DPP6: variants seen among roughly 807,000 people sequenced by gnomAD.
DPP6 encodes dipeptidyl peptidase like 6.
DPP6 carries 69 observed loss-of-function variants against 122.6 expected under a neutral mutation model. That is an observed-to-expected ratio of 0.56 (90% confidence interval 0.46 to 0.69). The LOEUF is 0.69. Ranked by LOEUF, DPP6 falls within the 30% of genes least tolerant of loss-of-function variation. The pLI is 0.00. For missense variants in DPP6, 928 were observed against 1,116.9 expected (o/e 0.83, Z 2.41); for synonymous variants, 418 against 433.1 (o/e 0.97, Z 0.43).
intron 1 of DPP6, among the ~76,000 whole-genome samples, chr7:154,007,935 C>G (rs1369283355): frequency 1.3e-5 from 2 of 152,152 alleles, no homozygotes; most frequent in African/African-American, 4.8e-5. Context: ...TTCCGTTGGC[C>G]TGAACTGAGG....
intron 1 of DPP6, among the ~76,000 whole-genome samples, chr7:154,262,405 C>T (rs1158386160): frequency 6.6e-6 from 1 of 151,966 alleles, no homozygotes; most frequent in Non-Finnish European, 1.5e-5. Flanking sequence ...ACATTTGGAC[C>T]CACAGTGAGA....
chr7:154,660,031 T>C (rs1260408110), intron 6 of DPP6, among the ~76,000 whole-genome samples: 1 of 152,236 alleles, frequency 6.6e-6, no homozygotes, highest in African/African-American at 2.4e-5. Context: ...AAACTTTTGA[T>C]TCCTGGTGTG....
rs969861566 is a variant in DPP6, at chr7:153,899,010, C to T, written c.51+11276C>T. 3.3e-5 allele frequency among the ~76,000 whole-genome samples: 5 copies of T among 152,290 alleles called. No individual in the cohort carries two copies. In the South Asian group the frequency reaches 1.0e-3, roughly 32 times the overall value. On this transcript the variant is annotated intron_variant, in intron 1 of 25. Transcript: ENST00000404039. ...GGGAAAGGCGAGAGACAAAGGCATT[C>T]GGCTTCCATTAGTGTTTGGAATTAC... is the stretch of plus-strand genomic sequence containing the variant.
intron 6 of DPP6, among the ~76,000 whole-genome samples, chr7:154,640,288 G>T (rs1206532888): frequency 6.6e-6 from 1 of 151,978 alleles, no homozygotes; most frequent in African/African-American, 2.4e-5. Context: ...TTAATTCAAA[G>T]GTCACAATGC....
chr7:153,999,457 G>A (rs1250191310), intron 1 of DPP6, among the ~76,000 whole-genome samples: 1 of 152,104 alleles, frequency 6.6e-6, no homozygotes, highest in African/African-American at 2.4e-5. Context: ...TTGACCTTAT[G>A]GGCACTGAGT....
At position 154,294,288 on chromosome 7, in the gene DPP6, G is replaced by C. The variant is rs548609133; in HGVS notation, c.244-151926G>C. On this transcript the variant is annotated intron_variant, in intron 1 of 25. Coordinates refer to ENST00000377770, the MANE Select transcript of DPP6 (RefSeq NM_130797.4). ...TAAAGGATGATTAGGAGCTCATCAG[G>C]TGGAAGGAGTTGGGAGTGGGGCTGG... is the stretch of plus-strand genomic sequence containing the variant. 5.9e-5 allele frequency among the ~76,000 whole-genome samples: 9 copies of C among 152,288 alleles called. No homozygotes were observed. In the South Asian group the frequency reaches 1.9e-3, roughly 32 times the overall value.
At chr7:154,852,492 CCTCTCCTG>C (rs1802486517) in intron 16 of DPP6, among the ~76,000 whole-genome samples, 1 of 149,156 alleles carries the variant, frequency 6.7e-6, no homozygotes, top group Non-Finnish European at 1.5e-5. Flanking sequence ...GCCTCTCCTG[CCTCTCCTG>C]CCTCTCCTCC....
chr7:154,706,241 G>A (rs946358496), intron 7 of DPP6, among the ~76,000 whole-genome samples: 2 of 152,052 alleles, frequency 1.3e-5, no homozygotes, highest in Admixed American at 6.5e-5. Flanking sequence ...TCCCTTCCTC[G>A]GAGGATTGTC....
intron 10 of DPP6, 62 bp from the exon 11 acceptor site, chr7:154,794,017 C>T: frequency 6.4e-7 from 1 of 1,572,776 alleles, no homozygotes; most frequent in East Asian, 2.3e-5. Context: ...GGTCGGCGGT[C>T]CCCTGGCTTC....
chr7:154,059,619 G>C (rs1266528576), intron 1 of DPP6: 1 of 149,170 alleles, frequency 6.7e-6, no homozygotes, highest in Admixed American at 6.6e-5. Flanking sequence ...GGTCACAAAG[G>C]GGGCGGGGAC....
intron 6 of DPP6, among the ~76,000 whole-genome samples, chr7:154,660,599 G>A: frequency 7.4e-6 from 1 of 135,850 alleles, no homozygotes; most frequent in East Asian, 2.3e-4. Context: ...TATAGTCATG[G>A]TGAATCACCA....
intron 1 of DPP6, among the ~76,000 whole-genome samples, chr7:154,075,984 A>AAT (rs997548032): frequency 4.0e-5 from 6 of 151,736 alleles, no homozygotes; most frequent in Non-Finnish European, 5.9e-5. Context: ...TAAAAGTTTC[A>AAT]ATATATAGGC....
intron 16 of DPP6, among the ~76,000 whole-genome samples, chr7:154,816,630 T>C (rs942663398): frequency 6.6e-6 from 1 of 152,188 alleles, no homozygotes; most frequent in African/African-American, 2.4e-5. Context: ...ATTGTTTTCA[T>C]CATTGTCATC....
At chr7:154,031,430 T>A (rs536690341) in intron 1 of DPP6, among the ~76,000 whole-genome samples, 2,273 of 150,868 alleles carry the variant, frequency 0.015, 60 homozygotes, top group African/African-American at 0.049. Flanking sequence ...ACTAAAAAAC[T>A]GCTGCCCTTC....
intron 7 of DPP6, among the ~76,000 whole-genome samples, chr7:154,675,504 C>T (rs980105314): frequency 1.3e-5 from 2 of 152,188 alleles, no homozygotes; most frequent in African/African-American, 2.4e-5. Context: ...CAGCGATTGC[C>T]ATGGTCACAA....
intron 8 of DPP6, among the ~76,000 whole-genome samples, chr7:154,759,952 T>A (rs1795424568): frequency 6.6e-6 from 1 of 152,116 alleles, no homozygotes; most frequent in Non-Finnish European, 1.5e-5. Context: ...TGAAACCCCA[T>A]CTCTACTAAA....
At chr7:154,125,496 C>A (rs1165313748) in intron 1 of DPP6, among the ~76,000 whole-genome samples, 1 of 152,184 alleles carries the variant, frequency 6.6e-6, no homozygotes, top group Non-Finnish European at 1.5e-5. Context: ...AAGAGCAATG[C>A]ACCTGAGTGT....
At chr7:154,844,138 A>G (rs1211239933) in intron 16 of DPP6, among the ~76,000 whole-genome samples, 3 of 152,262 alleles carry the variant, frequency 2.0e-5, no homozygotes, top group Non-Finnish European at 2.9e-5. Context: ...GGATTGTCTT[A>G]CAGGCATCAG....
At chr7:154,236,227 G>A (rs1801205760) in intron 1 of DPP6, among the ~76,000 whole-genome samples, 1 of 152,040 alleles carries the variant, frequency 6.6e-6, no homozygotes, top group Non-Finnish European at 1.5e-5. Context: ...TAATAATTTG[G>A]TAAGCCATTA....
Sources: gnomAD v4.1 joint callset for allele counts (sites outside exome capture counted in the v4.1 genomes callset) on GRCh38, gnomAD v4.1.1 for gene constraint, MANE v1.5 for transcripts, NCBI Gene and HGNC (gene_info 2026-07-23, HGNC 2026-07-21) for gene names.